ABCC4: variants seen among roughly 807,000 people sequenced by gnomAD.
The protein encoded by ABCC4 is ATP binding cassette subfamily C member 4 (PEL blood group), also known as ATP-binding cassette sub-family C member 4.
Under a neutral mutation model 168.5 loss-of-function variants are expected in ABCC4, and 102 were observed. The ratio of observed to expected loss-of-function variants is 0.61; its 90% confidence interval spans 0.52 to 0.71. The LOEUF is 0.71. Ranked by LOEUF, ABCC4 falls within the 30% of genes least tolerant of loss-of-function variation. The pLI is 0.00. For missense variants in ABCC4, 1,402 were observed against 1,605.8 expected (o/e 0.87, Z 2.17); for synonymous variants, 617 against 590.7 (o/e 1.04, Z -0.65).
chr13:95,044,945 G>C (rs2032515065), intron 27 of ABCC4, among the ~76,000 whole-genome samples: 1 of 152,136 alleles, frequency 6.6e-6, no homozygotes, highest in Non-Finnish European at 1.5e-5. Context: ...CTGGATTCCT[G>C]CAATGACTGC....
intron 4 of ABCC4, among the ~76,000 whole-genome samples, chr13:95,222,175 C>T (rs974278841): frequency 6.6e-6 from 1 of 152,092 alleles, no homozygotes; most frequent in African/African-American, 2.4e-5. Context: ...CAACCACACC[C>T]TATACTGTAC....
chr13:95,232,241 T>C (rs1054348238), intron 4 of ABCC4, among the ~76,000 whole-genome samples: 10 of 152,084 alleles, frequency 6.6e-5, no homozygotes, highest in African/African-American at 2.4e-4. Context: ...GCATACCTGT[T>C]ATACTGTACC....
intron 8 of ABCC4, among the ~76,000 whole-genome samples, chr13:95,204,180 A>AAC (rs1013980821): frequency 1.9e-4 from 29 of 152,154 alleles, no homozygotes; most frequent in African/African-American, 6.8e-4. Flanking sequence ...TGTGCTGGGA[A>AAC]ACACACACAG....
At position 95,164,498 on chromosome 13, in the gene ABCC4, T is replaced by A. The variant is rs780993158; in HGVS notation, c.2055A>T (p.Thr685=). Residue 685 remains threonine, a synonymous_variant, in exon 16 of 31, where the codon ACA becomes ACT. Coordinates refer to ENST00000645237, the MANE Select transcript of ABCC4 (RefSeq NM_005845.5). ...ESQDTENVPV[T]LSEENRSEGK... ...CTTCAGAACGGTTCTCCTCTGATAG[T>A]GTAACTGGGACATTCTCTGTCTGCA... 2.3e-5 allele frequency: 37 copies of A among 1,613,920 alleles called. No individual in the cohort carries two copies. The East Asian group carries it at 7.6e-4, about 33-fold the overall frequency.
intron 1 of ABCC4, among the ~76,000 whole-genome samples, chr13:95,284,480 T>A (rs117843013): frequency 1.7e-4 from 26 of 152,308 alleles, no homozygotes; most frequent in Non-Finnish European, 2.9e-4. Context: ...TGAGCCACCT[T>A]GCCCAGCCAA....
At chr13:95,268,992 G>C (rs1009551496) in intron 1 of ABCC4, among the ~76,000 whole-genome samples, 1 of 152,132 alleles carries the variant, frequency 6.6e-6, no homozygotes, top group Admixed American at 6.5e-5. Context: ...GGAGGGGAAG[G>C]CCACCCCTTC....
intron 11 of ABCC4, among the ~76,000 whole-genome samples, chr13:95,181,550 T>G (rs1186871412): frequency 6.6e-6 from 1 of 152,246 alleles, no homozygotes. Flanking sequence ...ATATTCTGCC[T>G]CTTAATGTTT....
intron 19 of ABCC4, among the ~76,000 whole-genome samples, chr13:95,153,752 A>T (rs2036766600): frequency 6.6e-6 from 1 of 152,198 alleles, no homozygotes; most frequent in Non-Finnish European, 1.5e-5. Context: ...GTAGATTAAA[A>T]ATTATGCCAA....
intron 26 of ABCC4, 56 bp downstream of exon 26, chr13:95,062,648 A>C: frequency 6.8e-7 from 1 of 1,480,852 alleles, no homozygotes; most frequent in Non-Finnish European, 9.1e-7. Flanking sequence ...AGTAAAAGCA[A>C]TTAAACATAG....
At chr13:95,103,243 C>T (rs987986937) in intron 20 of ABCC4, among the ~76,000 whole-genome samples, 2 of 151,944 alleles carry the variant, frequency 1.3e-5, no homozygotes, top group South Asian at 2.1e-4. Flanking sequence ...CCAGCCTGGG[C>T]GACAGAGCGA....
chr13:95,280,650 C>T (rs920005454), intron 1 of ABCC4, among the ~76,000 whole-genome samples: 1 of 151,192 alleles, frequency 6.6e-6, no homozygotes, highest in Non-Finnish European at 1.5e-5. Flanking sequence ...GTCTGTGAGA[C>T]GGCTCTCTGT....
chr13:95,138,886 C>T lies in ABCC4; in HGVS notation c.2455+22303G>A, dbSNP rs143305733. Among the ~76,000 whole-genome samples, 723 of 152,352 alleles carry T rather than the reference C, an allele frequency of 4.7e-3. 5 individuals are homozygous for T. The highest frequency in any genetic ancestry group is 0.017 in the African/African-American group (688 of 41,576). On this transcript the variant is annotated intron_variant, in intron 19 of 30. Coordinates refer to ENST00000645237, the MANE Select transcript of ABCC4 (RefSeq NM_005845.5). ...CACCACCTGGCCTGCAATCACTCCA[C>T]GCCAGCTGGGCAGCTCCTTTCCCTT...
chr13:95,259,772 T>G (rs1265050759), intron 1 of ABCC4, among the ~76,000 whole-genome samples: 1 of 151,954 alleles, frequency 6.6e-6, no homozygotes, highest in Non-Finnish European at 1.5e-5. Context: ...ATCCACCGGT[T>G]CAATTCCACT....
chr13:95,247,282 G>A (rs1012158939), intron 2 of ABCC4, among the ~76,000 whole-genome samples, 187 bp from the exon 3 acceptor site: 8 of 152,172 alleles, frequency 5.3e-5, no homozygotes, highest in East Asian at 1.9e-4. Context: ...CAGAAAAACA[G>A]GCCTTGAGGG....
chr13:95,238,272 G>GA (rs2039834648), intron 3 of ABCC4, among the ~76,000 whole-genome samples: 1 of 150,336 alleles, frequency 6.7e-6, no homozygotes, highest in African/African-American at 2.5e-5. Flanking sequence ...AGATAAGGAA[G>GA]AAAAAAGGTG....
chr13:95,298,165 T>C (rs2041583098), intron 1 of ABCC4, among the ~76,000 whole-genome samples: 1 of 152,050 alleles, frequency 6.6e-6, no homozygotes, highest in African/African-American at 2.4e-5. Flanking sequence ...GGTGCACGCC[T>C]ATAGTCCCAG....
intron 29 of ABCC4, 82 bp from the exon 30 acceptor site, chr13:95,034,821 G>A (rs1275325258): frequency 6.3e-7 from 1 of 1,583,542 alleles, no homozygotes; most frequent in Non-Finnish European, 8.6e-7. Context: ...TTCGGAAAGG[G>A]GCAGGAGAGG....
At chr13:95,096,715 A>T (rs1051625462) in intron 20 of ABCC4, among the ~76,000 whole-genome samples, 3 of 152,182 alleles carry the variant, frequency 2.0e-5, no homozygotes, top group Non-Finnish European at 4.4e-5. Flanking sequence ...ATCTGTTGAA[A>T]AGATCATTAA....
At chr13:95,192,224 G>T (rs1456220311) in intron 9 of ABCC4, among the ~76,000 whole-genome samples, 2 of 152,108 alleles carry the variant, frequency 1.3e-5, no homozygotes, top group African/African-American at 4.8e-5. Flanking sequence ...TGCTGCTGGG[G>T]TCTCTGTCTT....
Sources: allele counts gnomAD v4.1 joint callset (sites outside exome capture counted in the v4.1 genomes callset), GRCh38; gene constraint gnomAD v4.1.1; transcripts MANE v1.5; gene names NCBI Gene and HGNC (gene_info 2026-07-23, HGNC 2026-07-21).